Variants in DOCK9 observed in about 807,000 individuals in gnomAD.
DOCK9 encodes the protein dedicator of cytokinesis 9, also known as dedicator of cytokinesis protein 9.
Under a neutral mutation model 263.3 loss-of-function variants are expected in DOCK9, and 89 were observed. That is an observed-to-expected ratio of 0.34 (90% CI 0.28 to 0.40). DOCK9 has a LOEUF of 0.40. DOCK9 is among the 10% of genes least tolerant of loss of function. The pLI is 1.00. For synonymous variants in DOCK9, 976 were observed against 973.1 expected (o/e 1.00, Z -0.06); for missense variants, 2,140 against 2,603.4 (o/e 0.82, Z 3.87).
intron 15 of DOCK9, among the ~76,000 whole-genome samples, chr13:98,894,562 C>T (rs1191078276): frequency 2.6e-5 from 4 of 151,974 alleles, no homozygotes; most frequent in African/African-American, 9.7e-5. Flanking sequence ...CACGCAGACC[C>T]ACCTCATGGT....
chr13:98,984,174 G>C (rs1423469741), intron 1 of DOCK9, among the ~76,000 whole-genome samples: 3 of 152,194 alleles, frequency 2.0e-5, no homozygotes, highest in Admixed American at 1.3e-4. Flanking sequence ...ACCGAGGCCT[G>C]GAGTGAGGAG....
At position 98,829,303 on chromosome 13, in the gene DOCK9, C is replaced by T. The variant is rs773656374; in HGVS notation, c.4965+4G>A. ...CCCATTCAAGCGGCTGGCAGGGCTA[C>T]TACCTCTGAGAGATCGCCATTTTTG... On this transcript the variant is annotated splice_donor_region_variant and intron_variant, in intron 43 of 52. Coordinates refer to ENST00000682017, the MANE Select transcript of DOCK9 (RefSeq NM_001366683.2). The surrounding 1 kb of genome is among the most constrained non-coding windows in gnomAD (Gnocchi z 4.1). 1 of 1,610,024 alleles carries T rather than the reference C, an allele frequency of 6.2e-7. No homozygotes were observed. The highest frequency in any genetic ancestry group is 8.5e-7 in the Non-Finnish European group (1 of 1,178,270).
intron 2 of DOCK9, among the ~76,000 whole-genome samples, chr13:98,955,029 A>G (rs1206321702): frequency 3.9e-5 from 6 of 152,242 alleles, no homozygotes; most frequent in African/African-American, 1.4e-4. Context: ...TTTAAAAACC[A>G]TAATTAGGCC....
At chr13:99,047,545 G>C (rs576206549) in intron 1 of DOCK9, among the ~76,000 whole-genome samples, 1 of 142,590 alleles carries the variant, frequency 7.0e-6, no homozygotes, top group East Asian at 2.1e-4. Context: ...TTGAGACGGA[G>C]TCTCGCCCAG....
intron 1 of DOCK9, among the ~76,000 whole-genome samples, chr13:99,081,493 T>C (rs2042119050): frequency 1.3e-5 from 2 of 152,200 alleles, no homozygotes; most frequent in South Asian, 2.1e-4. Context: ...AAGTTGAACA[T>C]AGTGAGATAA....
chr13:98,868,760 C>A (rs998965557), intron 27 of DOCK9, among the ~76,000 whole-genome samples: 5 of 152,150 alleles, frequency 3.3e-5, no homozygotes, highest in African/African-American at 7.2e-5. Context: ...TCTCAAAAAA[C>A]CCCATAAAAC....
intron 2 of DOCK9, among the ~76,000 whole-genome samples, chr13:98,933,568 T>C (rs2054300111): frequency 1.3e-5 from 2 of 152,248 alleles, no homozygotes; most frequent in South Asian, 2.1e-4. Context: ...AATAGTTTTC[T>C]GACCAGACAG....
intron 15 of DOCK9, among the ~76,000 whole-genome samples, chr13:98,896,117 G>A (rs2047387108): frequency 6.6e-6 from 1 of 152,214 alleles, no homozygotes; most frequent in South Asian, 2.1e-4. Flanking sequence ...AACCTTAGCT[G>A]CATGTTAGCA....
At chr13:98,844,873 T>C (rs1390857797) in intron 38 of DOCK9, among the ~76,000 whole-genome samples, 1 of 152,214 alleles carries the variant, frequency 6.6e-6, no homozygotes, top group African/African-American at 2.4e-5. Context: ...TCACAGCGAA[T>C]GGAATTTATT....
chr13:98,805,242 G>T, intron 48 of DOCK9, 33 bp from the exon 49 acceptor site: 4 of 1,530,140 alleles, frequency 2.6e-6, no homozygotes, highest in Non-Finnish European at 3.6e-6. Context: ...GGAGATTGGT[G>T]CTCCATGAAG....
intron 1 of DOCK9, among the ~76,000 whole-genome samples, chr13:99,013,395 G>A (rs751771397): frequency 1.1e-4 from 17 of 152,172 alleles, no homozygotes; most frequent in Non-Finnish European, 1.8e-4. Context: ...GATTACAGGC[G>A]TGAGCCACCA....
intron 2 of DOCK9, among the ~76,000 whole-genome samples, chr13:98,944,989 T>C (rs1171488599): frequency 6.6e-6 from 1 of 152,250 alleles, no homozygotes; most frequent in Non-Finnish European, 1.5e-5. Context: ...GCTGATCTTC[T>C]TGAAGTTTGG....
chr13:98,891,814 TTG>T (rs1239410066), intron 15 of DOCK9, among the ~76,000 whole-genome samples: 1 of 12,830 alleles, frequency 7.8e-5, no homozygotes, highest in Non-Finnish European at 7.9e-4. Context: ...CTTTTAAAAG[TTG>T]TTTTTTTTTT....
intron 32 of DOCK9, among the ~76,000 whole-genome samples, chr13:98,862,545 CG>C (rs1164117074): frequency 6.6e-6 from 1 of 151,950 alleles, no homozygotes; most frequent in East Asian, 1.9e-4. Context: ...AAAAATTGGC[CG>C]GATGTGGTGG....
intron 45 of DOCK9, among the ~76,000 whole-genome samples, chr13:98,821,995 A>G (rs1440169323): frequency 6.6e-6 from 1 of 152,186 alleles, no homozygotes; most frequent in African/African-American, 2.4e-5. Context: ...CTGGCAGCCA[A>G]TGCAAAAACG....
intron 15 of DOCK9, among the ~76,000 whole-genome samples, chr13:98,893,795 C>A (rs796181746): frequency 5.3e-5 from 8 of 152,314 alleles, no homozygotes; most frequent in African/African-American, 1.9e-4. Context: ...GAATCCTCCA[C>A]GTCCCCTAAC....
intron 1 of DOCK9, among the ~76,000 whole-genome samples, chr13:98,964,874 G>A (rs1028332415): frequency 4.6e-5 from 7 of 152,194 alleles, no homozygotes; most frequent in African/African-American, 1.2e-4. Context: ...GAGGAGCACC[G>A]GATGGGCCAG....
intron 9 of DOCK9, among the ~76,000 whole-genome samples, chr13:98,910,940 T>A (rs572463825): frequency 6.6e-6 from 1 of 151,946 alleles, no homozygotes; most frequent in Non-Finnish European, 1.5e-5. Flanking sequence ...TGACCAACAG[T>A]TATCAGGTCA....
intron 27 of DOCK9, 146 bp from the exon 28 acceptor site, chr13:98,868,523 G>T: frequency 2.2e-6 from 2 of 918,584 alleles, no homozygotes; most frequent in South Asian, 1.8e-5. Flanking sequence ...CAGCACTTTG[G>T]GAAGCCAAGT....
Sources: allele counts gnomAD v4.1 joint callset (sites outside exome capture counted in the v4.1 genomes callset), GRCh38; gene constraint gnomAD v4.1.1; non-coding constraint Gnocchi (gnomAD v3.1); transcripts MANE v1.5; gene names NCBI Gene and HGNC (gene_info 2026-07-23, HGNC 2026-07-21).